The following CSMD1 variants were observed in gnomAD, a reference collection of about 807,000 sequenced individuals.
CSMD1 encodes CUB and Sushi multiple domains 1.
A neutral mutation model predicts 417.5 loss-of-function variants in CSMD1; 213 were observed. That is an observed-to-expected ratio of 0.51 (90% CI 0.46 to 0.57). The LOEUF is 0.57. Ranked by LOEUF, CSMD1 falls within the 20% of genes least tolerant of loss-of-function variation. The pLI is 0.00. For missense variants in CSMD1, 6,923 were observed against 4,529.7 expected, an observed-to-expected ratio of 1.53 and a Z score of -15.17; for synonymous variants, 2,862 against 1,736.8, an observed-to-expected ratio of 1.65 and a Z score of -16.11.
chr8:4,586,170 A>T (rs969947617), intron 2 of CSMD1, among the ~76,000 whole-genome samples: 1 of 152,164 alleles, frequency 6.6e-6, no homozygotes, highest in African/African-American at 2.4e-5. Flanking sequence ...AAACATGCCA[A>T]TTCCACTCTT....
intron 56 of CSMD1, among the ~76,000 whole-genome samples, chr8:2,973,941 G>A (rs966767409): frequency 1.4e-5 from 2 of 143,598 alleles, no homozygotes; most frequent in Non-Finnish European, 1.5e-5. Flanking sequence ...TGGTGGTAGA[G>A]GATGATGGTA....
chr8:4,311,291 C>A (rs545199320), intron 3 of CSMD1, among the ~76,000 whole-genome samples: 2 of 152,170 alleles, frequency 1.3e-5, no homozygotes, highest in South Asian at 2.1e-4. Context: ...AAATGTGGCA[C>A]ATGTACACCA....
intron 1 of CSMD1, among the ~76,000 whole-genome samples, chr8:4,640,181 A>G (rs530629049): frequency 3.3e-4 from 51 of 152,342 alleles, no homozygotes; most frequent in African/African-American, 1.2e-3. Flanking sequence ...AGTACAGTGC[A>G]TGTTGCTGAA....
At chr8:4,467,767 A>T (rs1323550931) in intron 2 of CSMD1, among the ~76,000 whole-genome samples, 1 of 152,224 alleles carries the variant, frequency 6.6e-6, no homozygotes, top group Non-Finnish European at 1.5e-5. Flanking sequence ...TACCGTAGAA[A>T]GCACCTTGCA....
intron 5 of CSMD1, among the ~76,000 whole-genome samples, chr8:3,798,924 T>C (rs1800310229): frequency 6.6e-6 from 1 of 152,062 alleles, no homozygotes; most frequent in African/African-American, 2.4e-5. Flanking sequence ...GGAGTCAAGC[T>C]AAACATATCA....
chr8:4,434,608 A>T (rs1298216802), intron 2 of CSMD1, among the ~76,000 whole-genome samples: 1 of 152,194 alleles, frequency 6.6e-6, no homozygotes, highest in Non-Finnish European at 1.5e-5. Flanking sequence ...GCTAATCCAA[A>T]ATTTCCACCC....
At chr8:4,541,505 T>A (rs1797384591) in intron 2 of CSMD1, among the ~76,000 whole-genome samples, 1 of 152,076 alleles carries the variant, frequency 6.6e-6, no homozygotes, top group South Asian at 2.1e-4. Context: ...CCCCACACTT[T>A]GGGAGGCTGA....
rs571026764 is a variant in CSMD1, at chr8:3,514,109, G to C, written c.1345-20383C>G. Among the ~76,000 whole-genome samples, 168 of 152,194 alleles carry C rather than the reference G, an allele frequency of 1.1e-3. 1 individual carries two copies. The highest frequency in any genetic ancestry group is 3.7e-3 in the African/African-American group (155 of 41,468). ...ATCACTCAATCCTCTTCTCTTGGCAGATAGGAGGCTCAAATCAATCTCTCC... is the reference window on the plus strand; with the variant it reads ...ATCACTCAATCCTCTTCTCTTGGCACATAGGAGGCTCAAATCAATCTCTCC... On this transcript the variant is annotated intron_variant, in intron 10 of 69. Transcript: ENST00000635120.
chr8:4,232,700 A>C (rs1700045), intron 3 of CSMD1, among the ~76,000 whole-genome samples: 1 of 152,136 alleles, frequency 6.6e-6, no homozygotes, highest in African/African-American at 2.4e-5. Flanking sequence ...ACATTTTATA[A>C]AAGTGTCATG....
intron 18 of CSMD1, among the ~76,000 whole-genome samples, chr8:3,374,230 A>T (rs1348146630): frequency 6.6e-6 from 1 of 152,096 alleles, no homozygotes; most frequent in Non-Finnish European, 1.5e-5. Flanking sequence ...ATGTGCTGAG[A>T]TTACAGGCGT....
At chr8:3,158,804 A>G (rs1043280972) in intron 38 of CSMD1, among the ~76,000 whole-genome samples, 6 of 152,128 alleles carry the variant, frequency 3.9e-5, no homozygotes, top group African/African-American at 1.4e-4. Context: ...CTTATCTCAT[A>G]AATTTCCATT....
intron 3 of CSMD1, among the ~76,000 whole-genome samples, chr8:4,311,059 A>C (rs7843273): frequency 0.63 from 95,333 of 152,092 alleles, 30,952 homozygotes; most frequent in East Asian, 0.88. Flanking sequence ...TGGGAGTGTA[A>C]ATTAGTTCAA....
chr8:4,394,467 T>G lies in CSMD1; in HGVS notation c.415+25486A>C, dbSNP rs187279803. On this transcript the variant is annotated intron_variant, in intron 3 of 69. Coordinates refer to ENST00000635120, the MANE Select transcript of CSMD1 (RefSeq NM_033225.6). ...GTACTGAGTCTTTGAAGAAAACTGC[T>G]CAGGTTCTCTCCCTTCTGAAATACC... Among the ~76,000 whole-genome samples, 467 of 152,302 alleles carry G rather than the reference T, an allele frequency of 3.1e-3. 1 individual carries two copies. The highest frequency in any genetic ancestry group is 5.3e-3 in the Non-Finnish European group (359 of 68,018).
chr8:3,925,697 C>A (rs114755771), intron 5 of CSMD1, among the ~76,000 whole-genome samples: 1 of 151,934 alleles, frequency 6.6e-6, no homozygotes, highest in African/African-American at 2.4e-5. Flanking sequence ...GCCACCACCA[C>A]GTAAGAAGTG....
intron 2 of CSMD1, among the ~76,000 whole-genome samples, chr8:4,623,430 C>T (rs1801895237): frequency 6.6e-6 from 1 of 152,154 alleles, no homozygotes; most frequent in Non-Finnish European, 1.5e-5. Context: ...TTAGCCACTT[C>T]TTCAAAAGTT....
intron 4 of CSMD1, among the ~76,000 whole-genome samples, chr8:4,002,144 T>A (rs1264565091): frequency 6.6e-6 from 1 of 152,098 alleles, no homozygotes; most frequent in Non-Finnish European, 1.5e-5. Flanking sequence ...TGGGATAAAA[T>A]GCTTAAATCA....
intron 4 of CSMD1, among the ~76,000 whole-genome samples, chr8:4,023,990 T>C (rs1229302436): frequency 1.3e-5 from 2 of 151,944 alleles, no homozygotes; most frequent in Non-Finnish European, 2.9e-5. Flanking sequence ...TAATTAAATA[T>C]AAAGGCTGAC....
intron 51 of CSMD1, among the ~76,000 whole-genome samples, chr8:3,024,712 A>G (rs1809721806): frequency 6.6e-6 from 1 of 152,216 alleles, no homozygotes; most frequent in African/African-American, 2.4e-5. Context: ...TTTCTCTGAT[A>G]CTATTAAGTG....
chr8:4,180,248 T>TA (rs1197496702), intron 3 of CSMD1, among the ~76,000 whole-genome samples: 3 of 151,808 alleles, frequency 2.0e-5, no homozygotes, highest in Non-Finnish European at 4.4e-5. Context: ...TATGCAGCAA[T>TA]AAAAAATGAT....
Sources: allele counts gnomAD v4.1 joint callset (sites outside exome capture counted in the v4.1 genomes callset), GRCh38; gene constraint gnomAD v4.1.1; transcripts MANE v1.5; gene names NCBI Gene and HGNC (gene_info 2026-07-23, HGNC 2026-07-21).